Variants in AGMO observed in about 807,000 individuals in gnomAD.
The protein encoded by AGMO is alkylglycerol monooxygenase.
In AGMO, 75 loss-of-function variants were observed where a neutral mutation model predicts 60.2. That is an observed-to-expected ratio of 1.25 (90% CI 1.03 to 1.51). The LOEUF is 1.51. Ranked by LOEUF, AGMO falls within the 40% of genes most tolerant of loss-of-function variation. AGMO has a pLI of 0.00. For synonymous variants in AGMO, 261 were observed against 177.1 expected, an observed-to-expected ratio of 1.47 and a Z score of -3.76; for missense variants, 763 against 525.5, an observed-to-expected ratio of 1.45 and a Z score of -4.42.
intron 3 of AGMO, among the ~76,000 whole-genome samples, chr7:15,438,108 G>C (rs1781450992): frequency 6.6e-6 from 1 of 152,062 alleles, no homozygotes; most frequent in Admixed American, 6.5e-5. Context: ...TAGATTTTTA[G>C]TACGAAGTAA....
chr7:15,448,547 A>C (rs1781766918), intron 3 of AGMO, among the ~76,000 whole-genome samples: 1 of 152,186 alleles, frequency 6.6e-6, no homozygotes, highest in Admixed American at 6.5e-5. Flanking sequence ...TTTCAAGTAA[A>C]AGCTTTAAGC....
At chr7:15,544,341 A>G (rs926099823) in intron 3 of AGMO, among the ~76,000 whole-genome samples, 1 of 152,094 alleles carries the variant, frequency 6.6e-6, no homozygotes, top group African/African-American at 2.4e-5. Context: ...GTAACCAAAC[A>G]CCACTTGTTG....
chr7:15,368,702 A>G (rs900229537), intron 10 of AGMO, among the ~76,000 whole-genome samples: 2 of 152,164 alleles, frequency 1.3e-5, no homozygotes, highest in Admixed American at 6.5e-5. Flanking sequence ...CTTAATTACA[A>G]TAAGATGAGC....
chr7:15,404,085 G>A (rs1216642847), intron 5 of AGMO, among the ~76,000 whole-genome samples: 2 of 151,892 alleles, frequency 1.3e-5, no homozygotes, highest in Non-Finnish European at 2.9e-5. Flanking sequence ...TTATAGTTTG[G>A]AAATAAAACA....
At chr7:15,341,275 G>T (rs1457521650) in intron 12 of AGMO, among the ~76,000 whole-genome samples, 1 of 152,078 alleles carries the variant, frequency 6.6e-6, no homozygotes, top group Non-Finnish European at 1.5e-5. Context: ...GTCACCTCCT[G>T]AATGCTTTGC....
At chr7:15,548,186 C>A (rs937744297) in intron 2 of AGMO, among the ~76,000 whole-genome samples, 1 of 152,102 alleles carries the variant, frequency 6.6e-6, no homozygotes, top group Admixed American at 6.5e-5. Context: ...CATCAAAGAC[C>A]AAAAGTAGAT....
chr7:15,150,926 T>C, the AGMO span, among the ~76,000 whole-genome samples: 2 of 152,110 alleles, frequency 1.3e-5, no homozygotes, highest in Non-Finnish European at 2.9e-5. Context: ...CTGGTAGAAT[T>C]TGGCTGTGAA....
At chr7:15,328,173 C>T (rs1312502938) in intron 12 of AGMO, among the ~76,000 whole-genome samples, 1 of 151,958 alleles carries the variant, frequency 6.6e-6, no homozygotes, top group East Asian at 1.9e-4. Context: ...TTTTGTCTCA[C>T]TGCAACCTCA....
the AGMO span, among the ~76,000 whole-genome samples, chr7:15,147,333 C>G: frequency 6.6e-6 from 1 of 152,258 alleles, no homozygotes; most frequent in South Asian, 2.1e-4. Context: ...GTCCACAGTT[C>G]TAGATAGCTG....
intron 12 of AGMO, among the ~76,000 whole-genome samples, chr7:15,327,140 G>A (rs188287582): frequency 1.7e-3 from 252 of 152,222 alleles, no homozygotes; most frequent in Non-Finnish European, 2.5e-3. Flanking sequence ...GTCTAATTAC[G>A]TTCCCAGAAC....
chr7:15,322,030 G>C (rs1781122459), intron 12 of AGMO, among the ~76,000 whole-genome samples: 1 of 151,900 alleles, frequency 6.6e-6, no homozygotes, highest in Non-Finnish European at 1.5e-5. Flanking sequence ...TGCCAGCTAA[G>C]AATGGTGGCA....
intron 12 of AGMO, among the ~76,000 whole-genome samples, chr7:15,293,903 G>A (rs1297162740): frequency 2.0e-5 from 3 of 152,046 alleles, no homozygotes; most frequent in Admixed American, 1.3e-4. Context: ...AACACACAGA[G>A]GTGCAATATC....
At chr7:15,236,034 A>C (rs1021043662) in intron 12 of AGMO, among the ~76,000 whole-genome samples, 3 of 152,142 alleles carry the variant, frequency 2.0e-5, no homozygotes, top group African/African-American at 7.2e-5. Context: ...TACACTTCAA[A>C]TGCTATAAAG....
chr7:15,446,790 GT>G (rs1781710055), intron 3 of AGMO, among the ~76,000 whole-genome samples: 1 of 152,158 alleles, frequency 6.6e-6, no homozygotes, highest in South Asian at 2.1e-4. Flanking sequence ...TTTGTAAAGA[GT>G]TTTTATTTTC....
At chr7:15,138,162 T>TACATCTATTATTGGTACCTTTAGC in the AGMO span, among the ~76,000 whole-genome samples, 1 of 152,238 alleles carries the variant, frequency 6.6e-6, no homozygotes, top group South Asian at 2.1e-4. Context: ...CTCTTTTTAG[T>TACATCTATTATTGGTACCTTTAGC]ACATCTATTA....
chr7:15,428,974 A>T (rs1781149684), intron 4 of AGMO, among the ~76,000 whole-genome samples: 1 of 152,020 alleles, frequency 6.6e-6, no homozygotes, highest in Admixed American at 6.6e-5. Flanking sequence ...ATTTTTTAAG[A>T]AGGGAGGATG....
At chr7:15,340,447 C>T (rs968527545) in intron 12 of AGMO, among the ~76,000 whole-genome samples, 1 of 152,164 alleles carries the variant, frequency 6.6e-6, no homozygotes, top group Non-Finnish European at 1.5e-5. Context: ...AAATTTTGGG[C>T]TTCATAAACT....
At chr7:15,238,286 G>A (rs909812776) in intron 12 of AGMO, among the ~76,000 whole-genome samples, 4 of 151,684 alleles carry the variant, frequency 2.6e-5, no homozygotes, top group Non-Finnish European at 5.9e-5. Flanking sequence ...TTTATATTAG[G>A]AATTTCTTAA....
intron 12 of AGMO, among the ~76,000 whole-genome samples, chr7:15,281,333 C>T (rs189031850): frequency 1.8e-4 from 28 of 152,280 alleles, no homozygotes; most frequent in African/African-American, 5.5e-4. Context: ...ACCATGGGAG[C>T]TTGGCATGGG....
Sources: allele counts gnomAD v4.1 joint callset (sites outside exome capture counted in the v4.1 genomes callset), GRCh38; gene constraint gnomAD v4.1.1; transcripts MANE v1.5; gene names NCBI Gene and HGNC (gene_info 2026-07-23, HGNC 2026-07-21).